HTRA1: variants seen among roughly 807,000 people sequenced by gnomAD.
The protein encoded by HTRA1 is serine protease HTRA1.
Under a neutral mutation model 49.7 loss-of-function variants are expected in HTRA1, and 26 were observed. The ratio of observed to expected loss-of-function variants is 0.52; its 90% CI spans 0.38 to 0.73. The LOEUF is 0.73. Ranked by LOEUF, HTRA1 falls within the 30% of genes least tolerant of loss-of-function variation. The pLI is 0.00. For synonymous variants in HTRA1, 291 were observed against 286.9 expected (o/e 1.01, Z -0.14); for missense variants, 561 against 667.2 (o/e 0.84, Z 1.75).
In HTRA1 at chr10:122,504,589, G is replaced by A. The variant is rs537035219; in HGVS notation, c.778-2102G>A. Among the ~76,000 whole-genome samples, 10 of 152,264 alleles carry A rather than the reference G, an allele frequency of 6.6e-5. No homozygotes were observed. In the East Asian group the frequency reaches 1.9e-3, roughly 30 times the overall value. On this transcript the variant is annotated intron_variant, in intron 3 of 8. Coordinates refer to ENST00000368984, the MANE Select transcript of HTRA1 (RefSeq NM_002775.5). ...CATCCCTTTACCTGTCGCAAGCCCAGCCCTGAAGGCCTCAAAGGCCTGGTC... is the reference window on the plus strand; with the variant it reads ...CATCCCTTTACCTGTCGCAAGCCCAACCCTGAAGGCCTCAAAGGCCTGGTC...
At chr10:122,508,892 A>C (rs1189593030) in intron 6 of HTRA1, 122 bp downstream of exon 6, 1 of 701,964 alleles carries the variant, frequency 1.4e-6, no homozygotes. Flanking sequence ...TCTCTGATCC[A>C]GAAGTGAACG....
rs573811856 is a variant in HTRA1, at chr10:122,498,565, C to CG, written c.778-8124dup. Reference sequence around the variant, plus strand: ...AACGGAAGCTGAATGGAACCCTGAACGGAAGGGTTCTGAAGCTGTTCAGAA... The same window carrying CG: ...AACGGAAGCTGAATGGAACCCTGAACGGGAAGGGTTCTGAAGCTGTTCAGAA... On this transcript the variant is annotated intron_variant, in intron 3 of 8. Coordinates refer to ENST00000368984, the MANE Select transcript of HTRA1 (RefSeq NM_002775.5). 1.7e-4 allele frequency among the ~76,000 whole-genome samples: 26 copies of CG among 152,198 alleles called. No homozygotes were observed. The East Asian group carries it at 1.7e-3, about 10-fold the overall frequency.
rs1234927253 is a variant in HTRA1, at chr10:122,487,154, G to T, written c.473-1748G>T. On this transcript the variant is annotated intron_variant, in intron 1 of 8. Coordinates refer to ENST00000368984, the MANE Select transcript of HTRA1 (RefSeq NM_002775.5). This position sits in a 1 kb window ranked among gnomAD's most constrained non-coding sequence, Gnocchi z 4.8. ...GAAATTGCTATGAAAGTTTCCGAAA[G>T]CTTCCTGTCAATTCGTAGTGAGCAG... Among the ~76,000 whole-genome samples, 1 of 152,184 alleles carries T rather than the reference G, an allele frequency of 6.6e-6. No homozygotes were observed. The highest frequency in any genetic ancestry group is 1.5e-5 in the Non-Finnish European group (1 of 68,034).
At chr10:122,483,131 C>T (rs1346686281) in intron 1 of HTRA1, among the ~76,000 whole-genome samples, 2 of 151,756 alleles carry the variant, frequency 1.3e-5, no homozygotes, top group South Asian at 2.1e-4. Flanking sequence ...ATGACTGAAG[C>T]TTATCTACAC....
chr10:122,466,946 T>G (rs2097484015), intron 1 of HTRA1, among the ~76,000 whole-genome samples: 1 of 152,134 alleles, frequency 6.6e-6, no homozygotes, highest in Non-Finnish European at 1.5e-5. Flanking sequence ...ATTAGGAAGT[T>G]AACAAGCTCA....
intron 3 of HTRA1, among the ~76,000 whole-genome samples, chr10:122,499,391 T>G (rs909637669): frequency 1.3e-5 from 2 of 152,214 alleles, no homozygotes; most frequent in African/African-American, 4.8e-5. Context: ...AGGAAAAAGC[T>G]TTCTATTTTA....
At chr10:122,462,849 G>A (rs904610293) in intron 1 of HTRA1, among the ~76,000 whole-genome samples, 5 of 152,258 alleles carry the variant, frequency 3.3e-5, no homozygotes, top group Non-Finnish European at 7.3e-5. Context: ...GACCGGGTTA[G>A]TGATGAGGAA....
intron 6 of HTRA1, among the ~76,000 whole-genome samples, chr10:122,508,972 C>T (rs1337637499): frequency 6.6e-6 from 1 of 152,198 alleles, no homozygotes; most frequent in African/African-American, 2.4e-5. Flanking sequence ...CTGATCATGG[C>T]AATGTCACTT....
chr10:122,465,061 G>T (rs1046334506), intron 1 of HTRA1, among the ~76,000 whole-genome samples: 1 of 152,182 alleles, frequency 6.6e-6, no homozygotes, highest in African/African-American at 2.4e-5. Flanking sequence ...CTAGCACTTT[G>T]GGTCACAGTA....
chr10:122,504,660 A>G (rs951121700), intron 3 of HTRA1, among the ~76,000 whole-genome samples: 1 of 151,354 alleles, frequency 6.6e-6, no homozygotes, highest in Non-Finnish European at 1.5e-5. Context: ...TCCCTGGTGG[A>G]CCTCCCCTGG....
In HTRA1 at chr10:122,494,706, G is replaced by T. The variant is rs1045308464; in HGVS notation, c.777+5080G>T. On this transcript the variant is annotated intron_variant, in intron 3 of 8. Transcript: ENST00000368984. The surrounding 1 kb of genome is among the most constrained non-coding windows in gnomAD (Gnocchi z 4.0). ...TGGCACCCACAGACCTGTTTGAAGTGGCCACAGAGGGAGCCCTCTGGGCGC... is the reference window on the plus strand; with the variant it reads ...TGGCACCCACAGACCTGTTTGAAGTTGCCACAGAGGGAGCCCTCTGGGCGC... Among the ~76,000 whole-genome samples the T allele has an allele frequency of 1.1e-4, 16 of 152,082 alleles. No individual in the cohort carries two copies. The highest frequency in any genetic ancestry group is 6.5e-5 in the Admixed American group (1 of 15,278).
rs559856462 is a variant in HTRA1, at chr10:122,506,572, C to G, written c.778-119C>G. Reference sequence around the variant, plus strand: ...GTTAGTTGTGAGCTCAGTTCCCCACCGGGCCTGGTGTTTCCAAATAGCCCG... The same window carrying G: ...GTTAGTTGTGAGCTCAGTTCCCCACGGGGCCTGGTGTTTCCAAATAGCCCG... On this transcript the variant is annotated intron_variant, in intron 3 of 8. Transcript: ENST00000368984. This position sits in a 1 kb window ranked among gnomAD's most constrained non-coding sequence, Gnocchi z 5.2. 3 of 856,406 alleles carry G rather than the reference C, an allele frequency of 3.5e-6. No individual in the cohort carries two copies. The highest frequency in any genetic ancestry group is 5.8e-6 in the Non-Finnish European group (3 of 515,700). The allele number at this position is 856,406 out of a possible 1,614,324, so 53.1% of individuals were successfully genotyped here.
intron 1 of HTRA1, among the ~76,000 whole-genome samples, chr10:122,468,135 A>G (rs974446374): frequency 1.3e-5 from 2 of 152,194 alleles, no homozygotes; most frequent in Non-Finnish European, 2.9e-5. Flanking sequence ...GTGGCCCCTG[A>G]TCTCAAGGTA....
At position 122,494,381 on chromosome 10, in the gene HTRA1, C is replaced by T. The variant is rs2097497544; in HGVS notation, c.777+4755C>T. ...CCCGGGGCTCCTGCATCGAGCTTCC[C>T]TCCTATATTCAATGAGGAAATGACC... is the stretch of plus-strand genomic sequence containing the variant. On this transcript the variant is annotated intron_variant, in intron 3 of 8. Transcript: ENST00000368984. This position sits in a 1 kb window ranked among gnomAD's most constrained non-coding sequence, Gnocchi z 4.0. Among the ~76,000 whole-genome samples the T allele has an allele frequency of 6.6e-6, 1 of 152,136 alleles. No individual in the cohort carries two copies. The highest frequency in any genetic ancestry group is 2.4e-5 in the African/African-American group (1 of 41,436).
intron 3 of HTRA1, among the ~76,000 whole-genome samples, chr10:122,501,352 C>T (rs891394825): frequency 2.0e-5 from 3 of 152,230 alleles, no homozygotes; most frequent in African/African-American, 7.2e-5. Flanking sequence ...CAGACATCTC[C>T]TGCTCCACCC....
In HTRA1 at chr10:122,475,277, C is replaced by T. The variant is rs146881847; in HGVS notation, c.472+13153C>T. ...GGGGAGCAGCCTGAGGTCTGGCGTC[C>T]GGCGAGCTTTTCCCACTTGGAGCCG... On this transcript the variant is annotated intron_variant, in intron 1 of 8. Coordinates refer to ENST00000368984, the MANE Select transcript of HTRA1 (RefSeq NM_002775.5). Among the ~76,000 whole-genome samples the T allele has an allele frequency of 7.4e-3, 1,129 of 152,300 alleles. 13 individuals carry two copies. Among genetic ancestry groups the T allele is most frequent in the African/African-American group, 0.024 (979 of 41,554 alleles).
At chr10:122,500,974 G>A (rs545474459) in intron 3 of HTRA1, among the ~76,000 whole-genome samples, 60 of 152,296 alleles carry the variant, frequency 3.9e-4, no homozygotes, top group Non-Finnish European at 7.1e-4. Flanking sequence ...GGGCACAAGG[G>A]CAGCTGTTTC....
intron 5 of HTRA1, among the ~76,000 whole-genome samples, chr10:122,508,429 C>A (rs1489420718): frequency 1.3e-5 from 2 of 152,224 alleles, no homozygotes; most frequent in Admixed American, 6.5e-5. Flanking sequence ...AGGTGAGCAC[C>A]CAGTGCCGAC....
Position 122,512,027 on chromosome 10 carries a change from G to A in HTRA1, c.1236G>A (p.Ala412=), listed in dbSNP as rs747830451. Residue 412 remains alanine (A), a synonymous_variant, in exon 8 of 9, where the codon GCG becomes GCA. Coordinates refer to ENST00000368984, the MANE Select transcript of HTRA1 (RefSeq NM_002775.5). Reference sequence around the variant, plus strand: ...ACTTCCCAGACGTGATCTCAGGAGCGTATATAATTGAAGTAATTCCTGATA... The same window carrying A: ...ACTTCCCAGACGTGATCTCAGGAGCATATATAATTGAAGTAATTCCTGATA... ...HRDFPDVISG[A]YIIEVIPDTP... The A allele has an allele frequency of 9.9e-6, 16 of 1,613,660 alleles. No homozygotes were observed. The highest frequency in any genetic ancestry group is 4.4e-5 in the South Asian group (4 of 91,068).
Sources: allele counts gnomAD v4.1 joint callset (sites outside exome capture counted in the v4.1 genomes callset), GRCh38; gene constraint gnomAD v4.1.1; non-coding constraint Gnocchi (gnomAD v3.1); transcripts MANE v1.5; gene names NCBI Gene and HGNC (gene_info 2026-07-23, HGNC 2026-07-21).